Variants in CBLN2 observed in about 807,000 individuals in gnomAD.
CBLN2 encodes cerebellin-2.
In CBLN2, 7 loss-of-function variants were observed where a neutral mutation model predicts 15.0. The observed-to-expected ratio is 0.47, with a 90% CI of 0.27 to 0.88. CBLN2 has a LOEUF of 0.88. Among genes scored for constraint, CBLN2 ranks in the 40% least tolerant of loss-of-function variants. The probability of loss-of-function intolerance (pLI) is 0.14; values close to 1 mark genes in which losing one functional copy is unlikely to be tolerated. For synonymous variants in CBLN2, 149 were observed against 135.2 expected, an observed-to-expected ratio of 1.10 and a Z score of -0.71; for missense variants, 242 against 304.5, an observed-to-expected ratio of 0.79 and a Z score of 1.53.
chr18:72,583,728 A>G (rs2069422666), intron 1 of CBLN2, among the ~76,000 whole-genome samples: 1 of 152,244 alleles, frequency 6.6e-6, no homozygotes, highest in African/African-American at 2.4e-5. Flanking sequence ...TACCACTTAT[A>G]GTAATAATGA....
intron 1 of CBLN2, among the ~76,000 whole-genome samples, chr18:72,563,334 T>C (rs2069273711): frequency 6.6e-6 from 1 of 152,260 alleles, no homozygotes; most frequent in South Asian, 2.1e-4. Context: ...TAAGTTTTAT[T>C]CATCTATAAG....
At chr18:72,605,664 G>A (rs1432077) in intron 1 of CBLN2, among the ~76,000 whole-genome samples, 3 of 152,114 alleles carry the variant, frequency 2.0e-5, no homozygotes, top group African/African-American at 7.2e-5. Context: ...TATGTCTGGG[G>A]CTACTTCAAA....
At chr18:72,595,390 G>A (rs556535090) in intron 1 of CBLN2, among the ~76,000 whole-genome samples, 35 of 152,184 alleles carry the variant, frequency 2.3e-4, no homozygotes, top group African/African-American at 6.7e-4. Context: ...GATCAGAGAA[G>A]ATAATTAATA....
chr18:72,541,655 A>G (rs2069112295), intron 3 of CBLN2, 149 bp downstream of exon 3: 1 of 607,982 alleles, frequency 1.6e-6, no homozygotes, highest in Non-Finnish European at 2.7e-6. Context: ...AGTGCGTTCT[A>G]TGAAACGGGA....
intron 1 of CBLN2, among the ~76,000 whole-genome samples, chr18:72,590,369 C>T (rs1466500604): frequency 6.6e-6 from 1 of 151,974 alleles, no homozygotes; most frequent in African/African-American, 2.4e-5. Flanking sequence ...ATCATGTGAA[C>T]CGGGAGGTGG....
chr18:72,584,476 AT>A (rs983531576), intron 1 of CBLN2, among the ~76,000 whole-genome samples: 13 of 151,494 alleles, frequency 8.6e-5, no homozygotes, highest in African/African-American at 3.2e-4. Flanking sequence ...TAATTTTTTA[AT>A]TTTTTTAGTA....
Position 72,542,103 on chromosome 18 carries a change from C to T in CBLN2, c.58G>A (p.Gly20Arg). 1.4e-6 allele frequency: 2 copies of T among 1,461,408 alleles called. No homozygotes were observed. The highest frequency in any genetic ancestry group is 1.8e-6 in the Non-Finnish European group (2 of 1,117,236). The allele number at this position is 1,461,408 out of a possible 1,614,324, so 90.5% of individuals were successfully genotyped here. A position where few individuals can be genotyped will look rare whatever the true frequency, so the allele number is the denominator to read the frequency against. The change falls in exon 3 of 5, where the codon GGG (glycine) becomes AGG (arginine). Residue 20 changes from glycine to arginine, a missense_variant. This residue lies in a region of CBLN2 where 96 missense variants were observed against 83.8 expected (regional missense o/e 1.15). Coordinates refer to ENST00000269503, the MANE Select transcript of CBLN2 (RefSeq NM_182511.4). Reference protein sequence around the residue: ...GLRLMMPGRRGALREPGGCGS... With the variant: ...GLRLMMPGRRRALREPGGCGS... The stretch of plus-strand genomic sequence containing the variant: ...CAGCCGCCCGGCTCGCGCAGCGCCC[C>T]CCGGCGCCCGGGCATCATCAGCCGC...
At chr18:72,552,679 C>T (rs184608895) in intron 1 of CBLN2, 9 of 151,932 alleles carry the variant, frequency 5.9e-5, no homozygotes, top group East Asian at 3.9e-4. Flanking sequence ...AGGTACATAG[C>T]GAATTGATAA....
intron 3 of CBLN2, among the ~76,000 whole-genome samples, chr18:72,540,734 C>T (rs528309125): frequency 1.6e-4 from 24 of 152,082 alleles, no homozygotes; most frequent in Non-Finnish European, 2.2e-4. Flanking sequence ...AATAAATACG[C>T]TGACTTAAAT....
chr18:72,605,007 TG>T (rs1310196411), intron 1 of CBLN2, among the ~76,000 whole-genome samples: 1 of 152,184 alleles, frequency 6.6e-6, no homozygotes, highest in Admixed American at 6.5e-5. Context: ...GAAGAAAAAC[TG>T]GTGGATTAGA....
At chr18:72,569,594 TG>T (rs1313849700) in intron 1 of CBLN2, among the ~76,000 whole-genome samples, 1 of 152,170 alleles carries the variant, frequency 6.6e-6, no homozygotes, top group Non-Finnish European at 1.5e-5. Flanking sequence ...CATCTGATTC[TG>T]GGGAGGCCTC....
intron 1 of CBLN2, among the ~76,000 whole-genome samples, chr18:72,566,531 A>G (rs2069296174): frequency 6.6e-6 from 1 of 152,182 alleles, no homozygotes; most frequent in Non-Finnish European, 1.5e-5. Context: ...AGAAGACATT[A>G]TGTTAAGTGA....
At chr18:72,592,682 T>C (rs974494007) in intron 1 of CBLN2, among the ~76,000 whole-genome samples, 2 of 152,126 alleles carry the variant, frequency 1.3e-5, no homozygotes, top group African/African-American at 2.4e-5. Context: ...TGGTGAGAGA[T>C]AGGGGTCTAG....
At chr18:72,563,651 C>G (rs2069275683) in intron 1 of CBLN2, among the ~76,000 whole-genome samples, 1 of 152,226 alleles carries the variant, frequency 6.6e-6, no homozygotes, top group African/African-American at 2.4e-5. Context: ...AAGTGCACCA[C>G]CCACAATTCA....
intron 1 of CBLN2, among the ~76,000 whole-genome samples, chr18:72,617,065 T>C (rs964545484): frequency 6.6e-6 from 1 of 152,190 alleles, no homozygotes; most frequent in African/African-American, 2.4e-5. Flanking sequence ...TTCAAATACT[T>C]TCCCACCACA....
intron 1 of CBLN2, chr18:72,638,291 C>A: frequency 2.5e-6 from 1 of 398,562 alleles, no homozygotes; most frequent in Non-Finnish European, 4.4e-6. Flanking sequence ...ATAAAATACT[C>A]ACGTTCTGTC....
chr18:72,578,524 G>T (rs1452159625), intron 1 of CBLN2, among the ~76,000 whole-genome samples: 1 of 152,128 alleles, frequency 6.6e-6, no homozygotes, highest in African/African-American at 2.4e-5. Flanking sequence ...CATTTCTATT[G>T]TCTGGTATAC....
chr18:72,636,266 T>A (rs1247801487), intron 1 of CBLN2, among the ~76,000 whole-genome samples: 1 of 152,240 alleles, frequency 6.6e-6, no homozygotes, highest in East Asian at 1.9e-4. Flanking sequence ...ATTTTATTTT[T>A]ACATAAGCAA....
At chr18:72,611,677 T>C (rs1193655641) in intron 1 of CBLN2, among the ~76,000 whole-genome samples, 2 of 152,226 alleles carry the variant, frequency 1.3e-5, no homozygotes, top group Non-Finnish European at 2.9e-5. Context: ...AAATATTTTC[T>C]CCCATTCTGT....
Sources: gnomAD v4.1 joint callset for allele counts (sites outside exome capture counted in the v4.1 genomes callset) on GRCh38, gnomAD v4.1.1 for gene constraint, gnomAD v4.1.1 regional missense constraint, MANE v1.5 for transcripts, NCBI Gene and HGNC (gene_info 2026-07-23, HGNC 2026-07-21) for gene names.